MIDEAS: variants seen among roughly 807,000 people sequenced by gnomAD.
MIDEAS encodes the protein mitotic deacetylase-associated SANT domain protein.
In MIDEAS, 26 loss-of-function variants were observed where a neutral mutation model predicts 102.7. That is an observed-to-expected ratio of 0.25 (90% CI 0.19 to 0.35). The LOEUF is 0.35. Ranked by LOEUF, MIDEAS falls within the 10% of genes least tolerant of loss-of-function variation. MIDEAS has a pLI of 1.00. For missense variants in MIDEAS, 1,231 were observed against 1,435.6 expected (o/e 0.86, Z 2.30); for synonymous variants, 585 against 591.0 (o/e 0.99, Z 0.15).
intron 9 of MIDEAS, chr14:73,724,743 T>G (rs1313200301): frequency 6.3e-6 from 1 of 158,780 alleles, no homozygotes; most frequent in Non-Finnish European, 1.4e-5. Context: ...TGCAATTCCT[T>G]GGATTAGCAA....
intron 1 of MIDEAS, among the ~76,000 whole-genome samples, chr14:73,780,273 C>G (rs1394014350): frequency 1.3e-5 from 2 of 152,216 alleles, no homozygotes; most frequent in African/African-American, 4.8e-5. Flanking sequence ...CAGATCCACT[C>G]TCAGTTCTTC....
intron 1 of MIDEAS, among the ~76,000 whole-genome samples, chr14:73,783,835 A>G (rs572583167): frequency 6.6e-6 from 1 of 152,316 alleles, no homozygotes; most frequent in Non-Finnish European, 1.5e-5. Flanking sequence ...GGAAAACTGT[A>G]GCGTGTTCTT....
Position 73,725,922 on chromosome 14 carries a change from C to T in MIDEAS, c.2485+111G>A. 1.1e-6 allele frequency: 1 copy of T among 944,232 alleles called. No homozygotes were observed. Among genetic ancestry groups the T allele is most frequent in the Admixed American group, 2.1e-5 (1 of 46,816 alleles). 58.5% of individuals were successfully genotyped at this position (944,232 alleles called of 1,614,324 possible). A position where few individuals can be genotyped will look rare whatever the true frequency, so the allele number is the denominator to read the frequency against. Reference sequence around the variant, plus strand: ...TCACTCTGACTCTTGGCTTATCTACCCTCCTCCTCCCGCCCCCACCCAGGG... The same window carrying T: ...TCACTCTGACTCTTGGCTTATCTACTCTCCTCCTCCCGCCCCCACCCAGGG... On this transcript the variant is annotated intron_variant, in intron 8 of 12. Transcript: ENST00000423556. This position sits in a 1 kb window ranked among gnomAD's most constrained non-coding sequence, Gnocchi z 4.1.
intron 2 of MIDEAS, 54 bp downstream of exon 2, chr14:73,738,506 C>G (rs2053233105): frequency 9.0e-6 from 13 of 1,451,538 alleles, no homozygotes; most frequent in Non-Finnish European, 1.1e-5. Flanking sequence ...CAGCCGCCCA[C>G]CTATCAGCCT....
chr14:73,726,827 C>T lies in MIDEAS; in HGVS notation c.2305+3G>A. The T allele has an allele frequency of 6.2e-7, 1 of 1,608,268 alleles. No homozygotes were observed. The highest frequency in any genetic ancestry group is 8.5e-7 in the Non-Finnish European group (1 of 1,175,698). On this transcript the variant is annotated splice_donor_region_variant and intron_variant, in intron 6 of 12. Coordinates refer to ENST00000423556, the MANE Select transcript of MIDEAS (RefSeq NM_001367710.1). Reference sequence around the variant, plus strand: ...CACTTGCTGCCCCCAGGCCCCTCCTCACCTTGCCTCTGCTTCTCCCGGCTG... The same window carrying T: ...CACTTGCTGCCCCCAGGCCCCTCCTTACCTTGCCTCTGCTTCTCCCGGCTG...
rs745406125 is a variant in MIDEAS, at chr14:73,739,250, T to TTGCTGCTGC, written c.750_758dup (p.Gln251_Gln253dup). ...GCTGCTGCTGCTGCTGCTGCTGTGGTTGCTGCTGCTGCTGCTGCTTCTGTG... is the reference window on the plus strand; with the variant it reads ...GCTGCTGCTGCTGCTGCTGCTGTGGTTGCTGCTGCTGCTGCTGCTGCTGCTGCTTCTGTG... On this transcript the variant is annotated inframe_insertion, in exon 2 of 13. Coordinates refer to ENST00000423556, the MANE Select transcript of MIDEAS (RefSeq NM_001367710.1). 6.9e-6 allele frequency: 11 copies of TTGCTGCTGC among 1,604,400 alleles called. No individual in the cohort carries two copies. The highest frequency in any genetic ancestry group is 1.8e-5 in the Admixed American group (1 of 56,510).
chr14:73,773,102 T>C (rs2053656836), intron 1 of MIDEAS, among the ~76,000 whole-genome samples: 1 of 148,634 alleles, frequency 6.7e-6, no homozygotes, highest in Admixed American at 6.7e-5. Flanking sequence ...CCTCCCAAAG[T>C]GCTGGGATTA....
At chr14:73,769,291 T>C (rs953383548) in intron 1 of MIDEAS, among the ~76,000 whole-genome samples, 1 of 151,910 alleles carries the variant, frequency 6.6e-6, no homozygotes, top group African/African-American at 2.4e-5. Flanking sequence ...AACAGGAAAG[T>C]GGTTCAAGGA....
chr14:73,786,193 C>G (rs2053806418), intron 1 of MIDEAS, among the ~76,000 whole-genome samples: 1 of 152,228 alleles, frequency 6.6e-6, no homozygotes, highest in Admixed American at 6.5e-5. Context: ...AGTCTCGCCA[C>G]TGGCCCGGGC....
upstream of MIDEAS, among the ~76,000 whole-genome samples, chr14:73,764,030 G>T (rs894025373): frequency 1.3e-4 from 20 of 152,160 alleles, no homozygotes; most frequent in Middle Eastern, 3.4e-3. Flanking sequence ...CCCAACCTAG[G>T]TTATCCCTTC....
Position 73,715,603 on chromosome 14 carries a change from G to A in MIDEAS, c.*3240C>T, listed in dbSNP as rs963138458. On this transcript the variant is annotated 3_prime_UTR_variant, in exon 13 of 13. Transcript: ENST00000423556. ...AGCAAAATGTGGGGAGGACACAATT[G>A]TTTTATAAAAATATCCCTACTTCCT... 6.6e-6 allele frequency: 1 copy of A among 152,330 alleles called. No individual in the cohort carries two copies. Among genetic ancestry groups the A allele is most frequent in the Admixed American group, 6.5e-5 (1 of 15,268 alleles). The allele number at this position is 152,330 out of a possible 1,614,324, so 9.4% of individuals were successfully genotyped here.
intron 1 of MIDEAS, among the ~76,000 whole-genome samples, chr14:73,777,343 C>T (rs963507234): frequency 6.6e-6 from 1 of 151,966 alleles, no homozygotes; most frequent in Non-Finnish European, 1.5e-5. Context: ...ATTCTCCAAC[C>T]TTCTCGGACA....
chr14:73,719,480 G>A lies in MIDEAS; in HGVS notation c.2959C>T (p.Arg987Trp), dbSNP rs967232548. The change falls in exon 12 of 13, where the codon CGG becomes TGG. Residue 987 changes from arginine (R) to tryptophan (W), a missense_variant. By Grantham distance (101) the Arg-to-Trp change is moderately radical. Around this residue, in one of 5 missense-constraint regions of MIDEAS, gnomAD observed 391 missense variants for 483.0 expected, o/e 0.81. Transcript: ENST00000423556. ...CCAGGGGCGTTGGACTCGTGGCTCCGGAGGATGAGGATGTCACTGGCCTGA... is the reference window on the plus strand; with the variant it reads ...CCAGGGGCGTTGGACTCGTGGCTCCAGAGGATGAGGATGTCACTGGCCTGA... Reference protein sequence around the residue: ...NESASDILILRSHESNAPGSA... With the variant: ...NESASDILILWSHESNAPGSA... The A allele has an allele frequency of 6.2e-7, 1 of 1,613,732 alleles. No homozygotes were observed. The highest frequency in any genetic ancestry group is 8.5e-7 in the Non-Finnish European group (1 of 1,179,944).
In MIDEAS at chr14:73,737,146, C is replaced by G; in HGVS notation, c.1601G>C (p.Arg534Pro). The change falls in exon 3 of 13, where the codon CGA becomes CCA. Residue 534 changes from arginine (R) to proline (P), a missense_variant. Arg to Pro is a moderately radical substitution (Grantham distance 103, BLOSUM62 -2). Transcript: ENST00000423556. Reference sequence around the variant, plus strand: ...GGCTGCCTCAGTTGGGTCCACAGTTCGCACAGGCACAGACACTGGGATGAT... The same window carrying G: ...GGCTGCCTCAGTTGGGTCCACAGTTGGCACAGGCACAGACACTGGGATGAT... ...PLIIPVSVPV[R>P]TVDPTEAAQA... 6.2e-7 allele frequency: 1 copy of G among 1,613,970 alleles called. No homozygotes were observed. Among genetic ancestry groups the G allele is most frequent in the Non-Finnish European group, 8.5e-7 (1 of 1,179,964 alleles).
chr14:73,739,037 G>A lies in MIDEAS; in HGVS notation c.972C>T (p.Ala324=), dbSNP rs768302541. ...GCTGCGGGGCTGAGTCCTGCAGAAG[G>A]GCCTTGCGCAGTTCTGGGTTCATAT... ...NPDMNPELRK[A]LLQDSAPQPA... Residue 324 remains alanine, a synonymous_variant, in exon 2 of 13, where the codon GCC becomes GCT. Coordinates refer to ENST00000423556, the MANE Select transcript of MIDEAS (RefSeq NM_001367710.1). 3 of 1,548,270 alleles carry A rather than the reference G, an allele frequency of 1.9e-6. No homozygotes were observed. The highest frequency in any genetic ancestry group is 3.8e-5 in the Admixed American group (2 of 52,732).
At chr14:73,736,929 T>TC (rs2053207476) in intron 3 of MIDEAS, 69 bp downstream of exon 3, 11 of 1,471,276 alleles carry the variant, frequency 7.5e-6, no homozygotes, top group Non-Finnish European at 1.0e-5. Flanking sequence ...TGTTCTCCTT[T>TC]CCCCATAGGG....
At chr14:73,787,953 T>C (rs1456447332), upstream of MIDEAS, among the ~76,000 whole-genome samples, 1 of 152,136 alleles carries the variant, frequency 6.6e-6, no homozygotes, top group Non-Finnish European at 1.5e-5. Flanking sequence ...GAGGGTAGGG[T>C]GGAGGCCTGA....
At chr14:73,783,816 G>A (rs1007435539) in intron 1 of MIDEAS, among the ~76,000 whole-genome samples, 4 of 152,340 alleles carry the variant, frequency 2.6e-5, no homozygotes, top group South Asian at 2.1e-4. Context: ...ACTGCCAGCC[G>A]TGGTGTCTGG....
At chr14:73,773,704 C>G (rs1221154193) in intron 1 of MIDEAS, among the ~76,000 whole-genome samples, 4 of 152,008 alleles carry the variant, frequency 2.6e-5, no homozygotes, top group African/African-American at 4.8e-5. Flanking sequence ...AAGGGTGGCT[C>G]AACTTCAAGA....
Sources: allele counts gnomAD v4.1 joint callset (sites outside exome capture counted in the v4.1 genomes callset), GRCh38; gene constraint gnomAD v4.1.1; regional missense constraint gnomAD v4.1.1; non-coding constraint Gnocchi (gnomAD v3.1); transcripts MANE v1.5; gene names NCBI Gene and HGNC (gene_info 2026-07-23, HGNC 2026-07-21).